The following SH3D19 variants were observed in gnomAD, a reference collection of about 807,000 sequenced individuals.
The protein encoded by SH3D19 is SH3 domain-containing protein 19.
Under a neutral mutation model 112.1 loss-of-function variants are expected in SH3D19, and 58 were observed. The ratio of observed to expected loss-of-function variants is 0.52; its 90% CI spans 0.42 to 0.64. SH3D19 has a LOEUF of 0.64. Ranked by LOEUF, SH3D19 falls within the 30% of genes least tolerant of loss-of-function variation. The probability of loss-of-function intolerance (pLI) is 0.00; values close to 1 mark genes in which losing one functional copy is unlikely to be tolerated. For missense variants in SH3D19, 1,090 were observed against 1,263.4 expected (o/e 0.86, Z 2.08); for synonymous variants, 391 against 448.5 (o/e 0.87, Z 1.62).
In SH3D19 at chr4:151,241,121, CA is replaced by C. The variant is rs35676908; in HGVS notation, c.113-15036del. Among the ~76,000 whole-genome samples, 252 of 147,770 alleles carry C rather than the reference CA, an allele frequency of 1.7e-3. 2 individuals are homozygous for C. The highest frequency in any genetic ancestry group is 2.5e-3 in the Non-Finnish European group (165 of 67,328). ...GTAAGGTGGTGAAACGTGATCTCTA[CA>C]AAAAAAAAAAAATTAAAAAACTAGC... On this transcript the variant is annotated intron_variant, in intron 1 of 19. Transcript: ENST00000604030.
chr4:151,165,606 G>A lies in SH3D19; in HGVS notation c.1625C>T (p.Pro542Leu), dbSNP rs755081146. ...GTGCTTACATTTTCCTGGTTTGGCT[G>A]GAATTCGAATTACAGTGGGCTTCCT... is the stretch of plus-strand genomic sequence containing the variant. ...PTRKPTVIRI[P>L]AKPGKCLHED... The change falls in exon 8 of 20, where the codon CCA becomes CTA. Residue 542 changes from proline (P) to leucine (L), a missense_variant. Pro to Leu is a moderately conservative substitution (Grantham distance 98). Transcript: ENST00000604030. The A allele has an allele frequency of 5.6e-6, 9 of 1,613,866 alleles. No homozygotes were observed. The highest frequency in any genetic ancestry group is 5.9e-6 in the Non-Finnish European group (7 of 1,179,854).
At chr4:151,277,012 T>A (rs1773692435) in intron 1 of SH3D19, among the ~76,000 whole-genome samples, 8 of 152,046 alleles carry the variant, frequency 5.3e-5, no homozygotes, top group Admixed American at 3.3e-4. Flanking sequence ...TGAAGTCTGG[T>A]CCCTTCAGGA....
chr4:151,241,999 C>T (rs1770594388), intron 1 of SH3D19, among the ~76,000 whole-genome samples: 1 of 152,004 alleles, frequency 6.6e-6, no homozygotes. Flanking sequence ...TTGAGACCAG[C>T]CTGGGCAACA....
chr4:151,155,807 T>G (rs1247746836), intron 9 of SH3D19, among the ~76,000 whole-genome samples: 1 of 152,274 alleles, frequency 6.6e-6, no homozygotes, highest in East Asian at 1.9e-4. Context: ...GAGAACTGCT[T>G]GAACCCAGGA....
intron 1 of SH3D19, among the ~76,000 whole-genome samples, chr4:151,310,491 G>T (rs1729341144): frequency 6.6e-6 from 1 of 151,936 alleles, no homozygotes; most frequent in African/African-American, 2.4e-5. Flanking sequence ...CAGTACAGAG[G>T]TTCCTCAAAA....
intron 8 of SH3D19, among the ~76,000 whole-genome samples, chr4:151,162,598 CTT>C (rs57420317): frequency 0.12 from 15,115 of 130,968 alleles, 1,293 homozygotes; most frequent in African/African-American, 0.31. Flanking sequence ...AGATTGGTCC[CTT>C]TTTTTTTTTT....
chr4:151,136,979 G>A (rs1036973994), intron 14 of SH3D19, among the ~76,000 whole-genome samples: 23 of 152,096 alleles, frequency 1.5e-4, no homozygotes, highest in Admixed American at 1.4e-3. Context: ...ATGCTGTTAA[G>A]CTAAATTTAT....
In SH3D19 at chr4:151,320,814, C is replaced by T. The variant is rs562736765; in HGVS notation, c.112+4427G>A. Among the ~76,000 whole-genome samples, 400 of 152,164 alleles carry T rather than the reference C, an allele frequency of 2.6e-3. 1 individual carries two copies. The highest frequency in any genetic ancestry group is 2.8e-3 in the Non-Finnish European group (192 of 67,986). On this transcript the variant is annotated intron_variant, in intron 1 of 19. Coordinates refer to ENST00000604030, the MANE Select transcript of SH3D19 (RefSeq NM_001378122.1). ...CAGCACTTTGGGAGGCCAAGGCAGG[C>T]GGGTCACCTGAGGTCAGGAGTTCAA...
At position 151,256,509 on chromosome 4, in the gene SH3D19, A is replaced by T. The variant is rs559802262; in HGVS notation, c.113-30423T>A. On this transcript the variant is annotated intron_variant, in intron 1 of 19. Transcript: ENST00000604030. ...CAGAAATGCCTTAATCATGATTCAA[A>T]ATGATGGTGTTCGCATTCATTGAGA... Among the ~76,000 whole-genome samples the T allele has an allele frequency of 2.0e-5, 3 of 152,326 alleles. No homozygotes were observed. The South Asian group carries it at 6.2e-4, about 32-fold the overall frequency.
At position 151,174,690 on chromosome 4, in the gene SH3D19, A is replaced by G. The variant is rs1759639358; in HGVS notation, c.1514T>C (p.Val505Ala). 2.6e-6 allele frequency: 4 copies of G among 1,513,996 alleles called. No individual in the cohort carries two copies. The highest frequency in any genetic ancestry group is 3.5e-6 in the Non-Finnish European group (4 of 1,132,724). 93.8% of individuals were successfully genotyped at this position (1,513,996 alleles called of 1,614,324 possible). Residue 505 changes from valine to alanine, a missense_variant, in exon 7 of 20, where the codon GTT (valine) becomes GCT (alanine). Coordinates refer to ENST00000604030, the MANE Select transcript of SH3D19 (RefSeq NM_001378122.1). Reference sequence around the variant, plus strand: ...CTCACCTAGAACCATCTCTGAACCAACAGATTCTTCAGCCAGGTTCCCCGA... The same window carrying G: ...CTCACCTAGAACCATCTCTGAACCAGCAGATTCTTCAGCCAGGTTCCCCGA... The part of the protein sequence containing the change: ...TPSGNLAEES[V>A]GSEMVLDPFQ...
At chr4:151,193,224 T>C (rs1461087726) in intron 2 of SH3D19, among the ~76,000 whole-genome samples, 3 of 152,198 alleles carry the variant, frequency 2.0e-5, no homozygotes, top group South Asian at 2.1e-4. Context: ...TCTCACTGTA[T>C]GCACATCTTA....
intron 2 of SH3D19, among the ~76,000 whole-genome samples, chr4:151,220,990 A>T (rs554136713): frequency 6.6e-6 from 1 of 152,374 alleles, no homozygotes; most frequent in African/African-American, 2.4e-5. Flanking sequence ...TGTATCAATC[A>T]ATCGGCAGCA....
chr4:151,226,567 T>A, intron 1 of SH3D19: 2 of 653,448 alleles, frequency 3.1e-6, no homozygotes, highest in Non-Finnish European at 3.8e-6. Context: ...CTTAACTATC[T>A]ACCACCCAGA....
Position 151,147,974 on chromosome 4 carries a change from G to T in SH3D19, c.2030C>A (p.Pro677Gln), listed in dbSNP as rs373615753. 10 of 1,613,946 alleles carry T rather than the reference G, an allele frequency of 6.2e-6. No homozygotes were observed. Among genetic ancestry groups the T allele is most frequent in the Non-Finnish European group, 8.5e-6 (10 of 1,180,018 alleles). The change falls in exon 11 of 20, where the codon CCG (proline) becomes CAG (glutamine). Residue 677 changes from proline to glutamine, a missense_variant. Coordinates refer to ENST00000604030, the MANE Select transcript of SH3D19 (RefSeq NM_001378122.1). ...AKSQVFKNQDPVLPPRPKPGH... is the reference protein window; with the variant it reads ...AKSQVFKNQDQVLPPRPKPGH... ...TGGTTTGGGACGAGGGGGTAGCACC[G>T]GATCTTGATTTTTAAAAACTTGACT...
At chr4:151,226,384 A>G in intron 1 of SH3D19, 1 of 1,056,974 alleles carries the variant, frequency 9.5e-7, no homozygotes, top group East Asian at 6.6e-5. Flanking sequence ...CTAACACTAG[A>G]AGAGATTTAG....
At chr4:151,317,429 G>A (rs1730095053) in intron 1 of SH3D19, among the ~76,000 whole-genome samples, 1 of 152,188 alleles carries the variant, frequency 6.6e-6, no homozygotes, top group African/African-American at 2.4e-5. Context: ...TAGTCTCTAA[G>A]CACCATTGGA....
At chr4:151,187,259 T>C (rs943541815) in intron 3 of SH3D19, among the ~76,000 whole-genome samples, 164 bp downstream of exon 3, 2 of 152,132 alleles carry the variant, frequency 1.3e-5, no homozygotes, top group Admixed American at 1.3e-4. Context: ...TCAATAAATA[T>C]AGGCTGAAAA....
intron 16 of SH3D19, among the ~76,000 whole-genome samples, chr4:151,132,639 G>T (rs1750968175): frequency 1.3e-5 from 2 of 152,204 alleles, no homozygotes; most frequent in South Asian, 4.1e-4. Flanking sequence ...AAAAGTCTTT[G>T]CTATTTATTT....
Position 151,139,776 on chromosome 4 carries a change from T to G in SH3D19, c.2295A>C (p.Ala765=), listed in dbSNP as rs1207564720. Residue 765 remains alanine, a splice_region_variant and synonymous_variant, in exon 13 of 20, where the codon GCA becomes GCC. Transcript: ENST00000604030. ...PHAVVLHDFP[A]EQVDDLNLTS... ...CCACTGCATTATTTACATCCTTACC[T>G]GCTGGGAAATCATGAAGAACGACAG... 1.2e-6 allele frequency: 2 copies of G among 1,614,022 alleles called. No individual in the cohort carries two copies. The highest frequency in any genetic ancestry group is 2.2e-5 in the South Asian group (2 of 91,060).
Sources: allele counts gnomAD v4.1 joint callset (sites outside exome capture counted in the v4.1 genomes callset), GRCh38; gene constraint gnomAD v4.1.1; transcripts MANE v1.5; gene names NCBI Gene and HGNC (gene_info 2026-07-23, HGNC 2026-07-21).